Variants in GPC5 observed in about 807,000 individuals in gnomAD.
GPC5 encodes glypican 5.
Under a neutral mutation model 53.9 loss-of-function variants are expected in GPC5, and 47 were observed. That is an observed-to-expected ratio of 0.87 (90% CI 0.69 to 1.11). GPC5 has a LOEUF of 1.11. Among genes scored for constraint, GPC5 ranks in the 50% most tolerant of loss-of-function variants. The pLI is 0.00. For synonymous variants in GPC5, 286 were observed against 263.3 expected (o/e 1.09, Z -0.84); for missense variants, 748 against 713.1 (o/e 1.05, Z -0.56).
intron 7 of GPC5, among the ~76,000 whole-genome samples, chr13:92,261,896 A>G (rs1246507376): frequency 1.3e-5 from 2 of 152,168 alleles, no homozygotes; most frequent in African/African-American, 4.8e-5. Flanking sequence ...CTTAAGTGCA[A>G]TGTCATTTGT....
intron 1 of GPC5, among the ~76,000 whole-genome samples, chr13:91,427,590 C>G (rs1879147560): frequency 6.6e-6 from 1 of 152,110 alleles, no homozygotes; most frequent in South Asian, 2.1e-4. Flanking sequence ...TTTACAGGCT[C>G]ATAGATAAAA....
chr13:92,257,896 A>T (rs529486268), intron 7 of GPC5, among the ~76,000 whole-genome samples: 1 of 152,198 alleles, frequency 6.6e-6, no homozygotes, highest in East Asian at 1.9e-4. Flanking sequence ...GAACTCATGA[A>T]TGAAGTGAAC....
intron 4 of GPC5, among the ~76,000 whole-genome samples, chr13:91,739,658 G>A (rs1025207407): frequency 6.6e-6 from 1 of 151,322 alleles, no homozygotes; most frequent in Non-Finnish European, 1.5e-5. Context: ...CCATAGGACT[G>A]CTTGAGTGTC....
At chr13:92,615,390 G>T (rs1884646357) in intron 7 of GPC5, among the ~76,000 whole-genome samples, 1 of 152,166 alleles carries the variant, frequency 6.6e-6, no homozygotes, top group South Asian at 2.1e-4. Context: ...TATGGAAAAT[G>T]CAAACCTGTC....
intron 7 of GPC5, among the ~76,000 whole-genome samples, chr13:92,482,562 C>T (rs1879398458): frequency 6.6e-6 from 1 of 152,096 alleles, no homozygotes; most frequent in Non-Finnish European, 1.5e-5. Context: ...CCAGCTTTGG[C>T]CAGGGTTTTT....
intron 7 of GPC5, among the ~76,000 whole-genome samples, chr13:92,441,455 G>C (rs1248783338): frequency 6.6e-6 from 1 of 152,102 alleles, no homozygotes; most frequent in Non-Finnish European, 1.5e-5. Flanking sequence ...AATCCGTAAG[G>C]CTCCTAGAAC....
chr13:92,037,503 A>C (rs533207074), intron 6 of GPC5, among the ~76,000 whole-genome samples: 11 of 152,304 alleles, frequency 7.2e-5, no homozygotes, highest in African/African-American at 2.6e-4. Flanking sequence ...TTTTCTTAAT[A>C]GCATGTACTA....
intron 7 of GPC5, among the ~76,000 whole-genome samples, chr13:92,274,144 G>A (rs2042859069): frequency 6.6e-6 from 1 of 152,122 alleles, no homozygotes; most frequent in South Asian, 2.1e-4. Flanking sequence ...TTTTGTAAAA[G>A]TTTATACTGA....
At chr13:92,354,989 A>G (rs201229875) in intron 7 of GPC5, among the ~76,000 whole-genome samples, 2 of 76,824 alleles carry the variant, frequency 2.6e-5, no homozygotes, top group Non-Finnish European at 4.9e-5. Flanking sequence ...GCTTTAATAT[A>G]TAATTTAATA....
intron 7 of GPC5, among the ~76,000 whole-genome samples, chr13:92,260,483 C>T (rs1020922092): frequency 6.6e-6 from 1 of 152,174 alleles, no homozygotes; most frequent in Non-Finnish European, 1.5e-5. Flanking sequence ...CCGCATCAGG[C>T]CCGGCTCCTT....
intron 7 of GPC5, among the ~76,000 whole-genome samples, chr13:92,763,394 A>G (rs1337527446): frequency 2.6e-5 from 4 of 152,106 alleles, no homozygotes; most frequent in Non-Finnish European, 4.4e-5. Context: ...TAGCATGACT[A>G]TGGGTGGCCT....
At chr13:92,114,228 C>G (rs111287844) in intron 6 of GPC5, among the ~76,000 whole-genome samples, 19 of 152,306 alleles carry the variant, frequency 1.2e-4, no homozygotes, top group Middle Eastern at 3.4e-3. Context: ...CAGAGGAATT[C>G]ATGGCAGGGC....
At chr13:91,648,458 A>T (rs1347559421) in intron 2 of GPC5, among the ~76,000 whole-genome samples, 4 of 152,154 alleles carry the variant, frequency 2.6e-5, no homozygotes, top group Non-Finnish European at 5.9e-5. Flanking sequence ...CAGAAAATTC[A>T]GCTGTATTTT....
chr13:91,893,655 C>A (rs2039411331), intron 5 of GPC5, among the ~76,000 whole-genome samples: 1 of 151,972 alleles, frequency 6.6e-6, no homozygotes, highest in Non-Finnish European at 1.5e-5. Context: ...CAAAATAGGA[C>A]CTGTTTACAT....
At chr13:92,153,733 G>T (rs1412050663) in intron 7 of GPC5, among the ~76,000 whole-genome samples, 1 of 152,204 alleles carries the variant, frequency 6.6e-6, no homozygotes, top group Non-Finnish European at 1.5e-5. Flanking sequence ...CACTAGAAAT[G>T]ATGACAGTTT....
intron 7 of GPC5, among the ~76,000 whole-genome samples, chr13:92,715,296 G>C (rs1888291988): frequency 6.6e-6 from 1 of 152,118 alleles, no homozygotes; most frequent in South Asian, 2.1e-4. Context: ...ACTATTTATA[G>C]ACTGTAAGAT....
At chr13:91,898,663 A>G (rs2138982169) in intron 5 of GPC5, among the ~76,000 whole-genome samples, 1 of 140,652 alleles carries the variant, frequency 7.1e-6, no homozygotes, top group African/African-American at 2.7e-5. Context: ...AATTTATGTT[A>G]CTGTCACCAA....
chr13:92,068,510 T>C (rs1408945093), intron 6 of GPC5, among the ~76,000 whole-genome samples: 1 of 151,642 alleles, frequency 6.6e-6, no homozygotes, highest in Non-Finnish European at 1.5e-5. Flanking sequence ...AAGTAAGAAT[T>C]CTCTTACAGT....
intron 6 of GPC5, among the ~76,000 whole-genome samples, chr13:92,046,348 A>T (rs956812378): frequency 6.6e-6 from 1 of 152,194 alleles, no homozygotes; most frequent in African/African-American, 2.4e-5. Flanking sequence ...TTGTTTTTAT[A>T]TTCTCCAAGC....
Sources: gnomAD v4.1 joint callset for allele counts (sites outside exome capture counted in the v4.1 genomes callset) on GRCh38, gnomAD v4.1.1 for gene constraint, MANE v1.5 for transcripts, NCBI Gene and HGNC (gene_info 2026-07-23, HGNC 2026-07-21) for gene names.